SAMD5: variants seen among roughly 807,000 people sequenced by gnomAD.
The protein encoded by SAMD5 is sterile alpha motif domain containing 5, also known as sterile alpha motif domain-containing protein 5.
In SAMD5, 13 loss-of-function variants were observed where a neutral mutation model predicts 11.3. That is an observed-to-expected ratio of 1.15 (90% CI 0.75 to 1.83). The LOEUF is 1.83. Ranked by LOEUF, SAMD5 falls within the 40% of genes most tolerant of loss-of-function variation. The pLI, the probability that SAMD5 is intolerant of heterozygous loss-of-function variation, is 0.00. For missense variants in SAMD5, 255 were observed against 239.1 expected (o/e 1.07, Z -0.44); for synonymous variants, 129 against 111.3 (o/e 1.16, Z -1.00).
rs9390481 is a variant in SAMD5, at chr6:147,629,489, T to C, written c.163-107828T>C. Among the ~76,000 whole-genome samples the C allele has an allele frequency of 8.0e-3, 1,220 of 152,252 alleles. 54 individuals are homozygous for C. The highest frequency in any genetic ancestry group is 0.065 in the Admixed American group (986 of 15,286). Reference sequence around the variant, plus strand: ...TTTAGATTCATAAAACCAATACATATAAGACATGCAGGATATAATTCAGCA... The same window carrying C: ...TTTAGATTCATAAAACCAATACATACAAGACATGCAGGATATAATTCAGCA... On this transcript the variant is annotated intron_variant, in intron 1 of 1. Coordinates refer to the SAMD5 transcript ENST00000566741.
chr6:147,626,791 GAAAAAAAAAAAAA>G (rs529975933), intron 1 of SAMD5, among the ~76,000 whole-genome samples: 15 of 54,728 alleles, frequency 2.7e-4, no homozygotes, highest in African/African-American at 7.0e-4. Context: ...CTGTTTCTAT[GAAAAAAAAAAAAA>G]AAAAAAAAAA....
At chr6:147,838,976 T>G in the SAMD5 span, among the ~76,000 whole-genome samples, 1 of 152,190 alleles carries the variant, frequency 6.6e-6, no homozygotes, top group Non-Finnish European at 1.5e-5. Flanking sequence ...TAAATCACAG[T>G]TTTTGGTATT....
intron 1 of SAMD5, among the ~76,000 whole-genome samples, chr6:147,638,994 A>G (rs958956376): frequency 6.6e-6 from 1 of 152,230 alleles, no homozygotes; most frequent in Non-Finnish European, 1.5e-5. Context: ...AAGTTAGGAC[A>G]GATATATAGA....
chr6:147,723,136 A>G (rs1459906420), intron 1 of SAMD5, among the ~76,000 whole-genome samples: 5 of 152,200 alleles, frequency 3.3e-5, no homozygotes, highest in African/African-American at 1.2e-4. Context: ...GGAGTTCCTC[A>G]GTTCTCATGA....
intron 1 of SAMD5, among the ~76,000 whole-genome samples, chr6:147,657,481 G>A (rs748686664): frequency 1.1e-4 from 16 of 152,168 alleles, no homozygotes; most frequent in Admixed American, 3.9e-4. Context: ...GAGTGAGTAA[G>A]CGTGAGAAAG....
At chr6:147,579,417 G>A (rs893760556) in intron 1 of SAMD5, among the ~76,000 whole-genome samples, 5 of 151,060 alleles carry the variant, frequency 3.3e-5, no homozygotes, top group Non-Finnish European at 5.9e-5. Flanking sequence ...GAATAAAAGC[G>A]AAGATATGCC....
At chr6:147,764,549 G>A in the SAMD5 span, among the ~76,000 whole-genome samples, 7 of 151,940 alleles carry the variant, frequency 4.6e-5, no homozygotes, top group South Asian at 4.2e-4. Flanking sequence ...GATACATTTG[G>A]ACTTATTACC....
rs1181012334 is a variant in SAMD5 at position 147,508,825 on chromosome 6, C to A, written c.-104C>A. ...TTAAAAGGAAAACTTTACTGCGATA[C>A]CCTTTTCCCCTTGGAGGAGAGGATT... On this transcript the variant is annotated 5_prime_UTR_variant, in exon 1 of 2. Coordinates refer to ENST00000367474, the MANE Select transcript of SAMD5 (RefSeq NM_001030060.3). 6.8e-7 allele frequency: 1 copy of A among 1,472,820 alleles called. No homozygotes were observed. Among genetic ancestry groups the A allele is most frequent in the Admixed American group, 2.9e-5 (1 of 34,880 alleles). 91.2% of individuals were successfully genotyped at this position (1,472,820 alleles called of 1,614,324 possible).
chr6:147,755,626 A>G, the SAMD5 span, among the ~76,000 whole-genome samples: 1 of 152,128 alleles, frequency 6.6e-6, no homozygotes, highest in East Asian at 1.9e-4. Flanking sequence ...GGTCAGTGGT[A>G]TTTAAGCCAA....
chr6:147,552,569 T>G (rs887149546), intron 1 of SAMD5, among the ~76,000 whole-genome samples: 2 of 152,198 alleles, frequency 1.3e-5, no homozygotes, highest in Non-Finnish European at 2.9e-5. Context: ...AAATAGTGTT[T>G]TATATAAACA....
At chr6:147,899,322 G>A in the SAMD5 span, among the ~76,000 whole-genome samples, 6 of 152,088 alleles carry the variant, frequency 3.9e-5, no homozygotes, top group African/African-American at 1.2e-4. Flanking sequence ...TAGGAGTTGT[G>A]AGGCTTGGGG....
chr6:147,939,197 G>T, the SAMD5 span, among the ~76,000 whole-genome samples: 2 of 152,182 alleles, frequency 1.3e-5, no homozygotes. Flanking sequence ...GCTTCCCTGG[G>T]CTCTCTGAGC....
At chr6:147,522,456 C>A (rs1471322461) in intron 1 of SAMD5, among the ~76,000 whole-genome samples, 1 of 151,956 alleles carries the variant, frequency 6.6e-6, no homozygotes, top group Non-Finnish European at 1.5e-5. Context: ...TAAAAATAAT[C>A]GAGAGCTTTT....
chr6:147,782,699 C>T, the SAMD5 span, among the ~76,000 whole-genome samples: 3 of 152,226 alleles, frequency 2.0e-5, no homozygotes, highest in Non-Finnish European at 2.9e-5. Context: ...GTTTAAAAAT[C>T]ATGTGCCCTG....
At chr6:147,673,430 G>GTCTTGATCGCCTGACC (rs1171162697) in intron 1 of SAMD5, among the ~76,000 whole-genome samples, 1 of 152,108 alleles carries the variant, frequency 6.6e-6, no homozygotes, top group East Asian at 1.9e-4. Context: ...AGCCAGGATG[G>GTCTTGATCGCCTGACC]TCTTGATCGC....
chr6:147,665,820 A>G (rs1790709163), intron 1 of SAMD5, among the ~76,000 whole-genome samples: 1 of 152,232 alleles, frequency 6.6e-6, no homozygotes, highest in African/African-American at 2.4e-5. Context: ...TTAGAAATTA[A>G]TTCAACAGTG....
chr6:147,543,605 T>A (rs1049382075), intron 1 of SAMD5, among the ~76,000 whole-genome samples: 1 of 152,188 alleles, frequency 6.6e-6, no homozygotes, highest in South Asian at 2.1e-4. Context: ...GGCTAGGTAT[T>A]GAGAATTATG....
chr6:147,529,277 T>C (rs1788391200), intron 1 of SAMD5, among the ~76,000 whole-genome samples: 1 of 152,208 alleles, frequency 6.6e-6, no homozygotes, highest in South Asian at 2.1e-4. Context: ...TTGGCAATCA[T>C]GTTTTTAAAA....
intron 1 of SAMD5, among the ~76,000 whole-genome samples, chr6:147,589,443 G>C (rs2128447073): frequency 6.6e-6 from 1 of 152,144 alleles, no homozygotes; most frequent in East Asian, 1.9e-4. Flanking sequence ...ATCTAGCTTA[G>C]CCAGTATGAA....
Sources: allele counts gnomAD v4.1 joint callset (sites outside exome capture counted in the v4.1 genomes callset), GRCh38; gene constraint gnomAD v4.1.1; transcripts MANE v1.5; gene names NCBI Gene and HGNC (gene_info 2026-07-23, HGNC 2026-07-21).